The following LEPR variants were observed in gnomAD, a reference collection of about 807,000 sequenced individuals.
LEPR encodes the protein leptin receptor, also known as OB receptor.
Under a neutral mutation model 114.7 loss-of-function variants are expected in LEPR, and 56 were observed. The observed-to-expected ratio is 0.49, with a 90% CI of 0.39 to 0.61. LEPR has a LOEUF of 0.61. Ranked by LOEUF, LEPR falls within the 20% of genes least tolerant of loss-of-function variation. The pLI, the probability that LEPR is intolerant of heterozygous loss-of-function variation, is 0.00. For synonymous variants in LEPR, 443 were observed against 461.4 expected (o/e 0.96, Z 0.51); for missense variants, 1,202 against 1,352.9 (o/e 0.89, Z 1.75).
intron 2 of LEPR, among the ~76,000 whole-genome samples, chr1:65,492,932 C>T (rs866585884): frequency 3.6e-4 from 55 of 151,886 alleles, no homozygotes; most frequent in African/African-American, 1.3e-3. Context: ...ATCTGTGCCG[C>T]GGTGGTTTGC....
intron 2 of LEPR, among the ~76,000 whole-genome samples, chr1:65,466,664 A>G (rs991617308): frequency 2.0e-5 from 3 of 152,200 alleles, no homozygotes; most frequent in Non-Finnish European, 4.4e-5. Context: ...TGGTACACCA[A>G]TCAGATGTAG....
intron 2 of LEPR, among the ~76,000 whole-genome samples, chr1:65,493,306 T>A (rs1417996645): frequency 6.6e-6 from 1 of 152,060 alleles, no homozygotes; most frequent in African/African-American, 2.4e-5. Context: ...TTCTTTGGTT[T>A]TCCTACTTGT....
At chr1:65,542,225 A>T (rs1411248799) in intron 2 of LEPR, among the ~76,000 whole-genome samples, 1 of 152,064 alleles carries the variant, frequency 6.6e-6, no homozygotes, top group African/African-American at 2.4e-5. Context: ...TACTTTATAC[A>T]GATTTCTTCA....
chr1:65,449,761 T>G (rs1185162801), intron 2 of LEPR, among the ~76,000 whole-genome samples: 1 of 152,022 alleles, frequency 6.6e-6, no homozygotes, highest in Admixed American at 6.5e-5. Context: ...TTCATTGATT[T>G]CTGCTTTCAT....
chr1:65,443,498 A>G (rs1339112078), intron 2 of LEPR, among the ~76,000 whole-genome samples: 6 of 151,308 alleles, frequency 4.0e-5, no homozygotes, highest in African/African-American at 1.4e-4. Context: ...AAGATGTGCA[A>G]TACTTGGAGA....
chr1:65,453,787 G>T (rs905231090), intron 2 of LEPR, among the ~76,000 whole-genome samples: 1 of 152,218 alleles, frequency 6.6e-6, no homozygotes, highest in African/African-American at 2.4e-5. Context: ...TCTGTTAGAT[G>T]TCTATTAGGT....
intron 2 of LEPR, among the ~76,000 whole-genome samples, chr1:65,555,376 T>C (rs1274829964): frequency 6.6e-6 from 1 of 152,236 alleles, no homozygotes; most frequent in Non-Finnish European, 1.5e-5. Flanking sequence ...CTGCAGAATC[T>C]GATTCAGAGG....
At chr1:65,511,092 C>A (rs1649007329) in intron 2 of LEPR, among the ~76,000 whole-genome samples, 1 of 152,164 alleles carries the variant, frequency 6.6e-6, no homozygotes, top group Non-Finnish European at 1.5e-5. Context: ...ACAGAAAGTT[C>A]TCGTGTACTG....
chr1:65,555,611 G>T (rs532961867), intron 2 of LEPR, among the ~76,000 whole-genome samples: 2 of 152,130 alleles, frequency 1.3e-5, no homozygotes, highest in Admixed American at 6.5e-5. Flanking sequence ...GGGCACAGGG[G>T]TCTACACTGC....
At chr1:65,523,503 G>A (rs1649741176) in intron 2 of LEPR, among the ~76,000 whole-genome samples, 1 of 151,942 alleles carries the variant, frequency 6.6e-6, no homozygotes, top group Non-Finnish European at 1.5e-5. Context: ...TGGAGATGGG[G>A]TTTCACCATG....
chr1:65,567,105 A>G (rs1461794391), intron 3 of LEPR, among the ~76,000 whole-genome samples: 3 of 152,210 alleles, frequency 2.0e-5, no homozygotes, highest in Non-Finnish European at 4.4e-5. Context: ...GTTACCTGAT[A>G]AGATATGCCT....
At chr1:65,600,667 A>G (rs1656387384) in intron 8 of LEPR, among the ~76,000 whole-genome samples, 1 of 152,104 alleles carries the variant, frequency 6.6e-6, no homozygotes, top group South Asian at 2.1e-4. Context: ...TGAAAATGAT[A>G]GGCAAATGAA....
chr1:65,515,336 CAG>C (rs1185310551), intron 2 of LEPR, among the ~76,000 whole-genome samples: 5 of 152,196 alleles, frequency 3.3e-5, no homozygotes, highest in Non-Finnish European at 7.3e-5. Flanking sequence ...TGCAGAGACA[CAG>C]ATGCTTTTGA....
rs866162342 is a variant in LEPR at position 65,620,009 on chromosome 1, A to G, written c.2477A>G (p.Asn826Ser). The stretch of plus-strand genomic sequence containing the variant: ...GGAGTGGGAAAACCAAAGATAATTA[A>G]TAGTTTCACTCAAGGTAAAAATTAT... ...MEGVGKPKIINSFTQDDIEKH... is the reference protein window; with the variant it reads ...MEGVGKPKIISSFTQDDIEKH... Residue 826 changes from asparagine (N) to serine (S), a missense_variant, in exon 17 of 20, where the codon AAT becomes AGT. Asn to Ser is a conservative substitution (Grantham distance 46, BLOSUM62 1). Coordinates refer to ENST00000349533, the MANE Select transcript of LEPR (RefSeq NM_002303.6). 3.7e-6 allele frequency: 6 copies of G among 1,610,224 alleles called. No individual in the cohort carries two copies. The Middle Eastern group carries it at 9.9e-4, about 267-fold the overall frequency.
intron 17 of LEPR, among the ~76,000 whole-genome samples, chr1:65,620,321 A>G (rs1341066787): frequency 6.6e-6 from 1 of 152,172 alleles, no homozygotes; most frequent in East Asian, 1.9e-4. Flanking sequence ...TAAGCAACCT[A>G]GCAATGATAT....
chr1:65,575,356 G>C lies in LEPR; in HGVS notation c.494+2907G>C, dbSNP rs116068641. Among the ~76,000 whole-genome samples, 776 of 151,322 alleles carry C rather than the reference G, an allele frequency of 5.1e-3. 16 individuals are homozygous for C. The highest frequency in any genetic ancestry group is 0.02 in the Middle Eastern group (6 of 294). On this transcript the variant is annotated intron_variant, in intron 5 of 19. Transcript: ENST00000349533. ...CAAAATTCACTTCATTGGCTCATTG[G>C]CTACTTAGAACATTCACACACACCT...
intron 4 of LEPR, among the ~76,000 whole-genome samples, chr1:65,571,035 T>C (rs1654114521): frequency 6.6e-6 from 1 of 152,332 alleles, no homozygotes; most frequent in South Asian, 2.1e-4. Context: ...CCTTGTAGTC[T>C]TCTAAATTTG....
intron 2 of LEPR, among the ~76,000 whole-genome samples, chr1:65,488,183 T>TCTTTCTTC (rs1647623983): frequency 9.8e-5 from 2 of 20,364 alleles, no homozygotes; most frequent in Non-Finnish European, 2.2e-4. Flanking sequence ...TTTCTTTCTT[T>TCTTTCTTC]CTTTCTTTCT....
At chr1:65,466,117 G>A (rs1471762045) in intron 2 of LEPR, among the ~76,000 whole-genome samples, 1 of 152,164 alleles carries the variant, frequency 6.6e-6, no homozygotes, top group Non-Finnish European at 1.5e-5. Context: ...TTTCTTCATA[G>A]TGTCCTTGGT....
Sources: allele counts gnomAD v4.1 joint callset (sites outside exome capture counted in the v4.1 genomes callset), GRCh38; gene constraint gnomAD v4.1.1; transcripts MANE v1.5; gene names NCBI Gene and HGNC (gene_info 2026-07-23, HGNC 2026-07-21).